Variants in ARHGAP20 observed in about 807,000 individuals in gnomAD.
ARHGAP20 encodes rho GTPase-activating protein 20.
ARHGAP20 carries 34 observed loss-of-function variants against 73.7 expected under a neutral mutation model. The observed-to-expected ratio is 0.46, with a 90% CI of 0.35 to 0.61. The LOEUF is 0.61. Ranked by LOEUF, ARHGAP20 falls within the 20% of genes least tolerant of loss-of-function variation. The pLI is 0.00. For synonymous variants in ARHGAP20, 523 were observed against 518.2 expected (o/e 1.01, Z -0.13); for missense variants, 1,314 against 1,420.9 (o/e 0.92, Z 1.21).
chr11:110,594,525 G>C (rs1947905369), intron 9 of ARHGAP20, among the ~76,000 whole-genome samples: 1 of 152,078 alleles, frequency 6.6e-6, no homozygotes, highest in Admixed American at 6.6e-5. Flanking sequence ...TCTCCATGTG[G>C]TTTCACAGCC....
chr11:110,577,402 T>C lies in ARHGAP20; in HGVS notation c.*1968A>G. Reference sequence around the variant, plus strand: ...GGAACACAGATAGTAGGAATGGTTATTAAAAAACCTCAGCAACTATTTTCT... The same window carrying C: ...GGAACACAGATAGTAGGAATGGTTACTAAAAAACCTCAGCAACTATTTTCT... On this transcript the variant is annotated 3_prime_UTR_variant, in exon 15 of 15. Coordinates refer to ENST00000683387, the MANE Select transcript of ARHGAP20 (RefSeq NM_001384657.1). 8.7e-7 allele frequency: 1 copy of C among 1,155,976 alleles called. No individual in the cohort carries two copies. The highest frequency in any genetic ancestry group is 1.6e-5 in the African/African-American group (1 of 62,882). The allele number at this position is 1,155,976 out of a possible 1,614,324, so 71.6% of individuals were successfully genotyped here.
At chr11:110,709,681 T>A (rs1199815608) in intron 1 of ARHGAP20, among the ~76,000 whole-genome samples, 1 of 151,964 alleles carries the variant, frequency 6.6e-6, no homozygotes, top group African/African-American at 2.4e-5. Context: ...TGACTTGAAA[T>A]ATGAAGAGGA....
At chr11:110,651,652 T>C (rs2135015812) in intron 2 of ARHGAP20, among the ~76,000 whole-genome samples, 1 of 150,618 alleles carries the variant, frequency 6.6e-6, no homozygotes, top group South Asian at 2.1e-4. Context: ...CCTGGACACA[T>C]ACACCCACCC....
chr11:110,609,192 A>G, intron 7 of ARHGAP20, 142 bp from the exon 8 acceptor site: 1 of 678,356 alleles, frequency 1.5e-6, no homozygotes, highest in South Asian at 1.8e-5. Flanking sequence ...CTGCAGTGGA[A>G]TCAGGCCTTC....
At chr11:110,596,242 T>G in intron 9 of ARHGAP20, among the ~76,000 whole-genome samples, 1 of 150,046 alleles carries the variant, frequency 6.7e-6, no homozygotes. Context: ...GGGCAAGGAC[T>G]TCATGTCTAA....
chr11:110,712,489 C>G (rs1950691028), upstream of ARHGAP20: 1 of 158,746 alleles, frequency 6.3e-6, no homozygotes, highest in Admixed American at 6.5e-5. Context: ...GGCCCGCCCC[C>G]TCCGCTCCGG....
intron 9 of ARHGAP20, among the ~76,000 whole-genome samples, chr11:110,602,203 T>C (rs1948127786): frequency 6.8e-6 from 1 of 147,292 alleles, no homozygotes; most frequent in Non-Finnish European, 1.5e-5. Context: ...GTGCCACATC[T>C]ATCAGGATAC....
At chr11:110,692,749 C>T (rs1171106752) in intron 1 of ARHGAP20, among the ~76,000 whole-genome samples, 1 of 151,918 alleles carries the variant, frequency 6.6e-6, no homozygotes, top group African/African-American at 2.4e-5. Context: ...CATTTAGAAA[C>T]AGTAATAATC....
chr11:110,681,676 A>C (rs1372121507), intron 2 of ARHGAP20, among the ~76,000 whole-genome samples: 1 of 152,192 alleles, frequency 6.6e-6, no homozygotes, highest in Non-Finnish European at 1.5e-5. Flanking sequence ...TGGAATAATG[A>C]GGAATTCGTA....
chr11:110,577,588 C>T lies in ARHGAP20; in HGVS notation c.*1782G>A. On this transcript the variant is annotated 3_prime_UTR_variant, in exon 15 of 15. Coordinates refer to ENST00000683387, the MANE Select transcript of ARHGAP20 (RefSeq NM_001384657.1). ...GCCCTAAGGGAAAGGGGAGTCCCTGCTGACTTTATATATTATACCAAAAAA... is the reference window on the plus strand; with the variant it reads ...GCCCTAAGGGAAAGGGGAGTCCCTGTTGACTTTATATATTATACCAAAAAA... The T allele has an allele frequency of 1.0e-6, 1 of 986,966 alleles. No individual in the cohort carries two copies. The highest frequency in any genetic ancestry group is 1.2e-6 in the Non-Finnish European group (1 of 830,788). The allele number at this position is 986,966 out of a possible 1,614,324, so 61.1% of individuals were successfully genotyped here.
chr11:110,648,227 A>C (rs1317034201), intron 2 of ARHGAP20, among the ~76,000 whole-genome samples: 1 of 96,844 alleles, frequency 1.0e-5, no homozygotes, highest in Non-Finnish European at 2.1e-5. Flanking sequence ...ATATGTATAT[A>C]TATATATATG....
At chr11:110,599,420 C>A (rs550054429) in intron 9 of ARHGAP20, among the ~76,000 whole-genome samples, 1 of 152,338 alleles carries the variant, frequency 6.6e-6, no homozygotes, top group South Asian at 2.1e-4. Context: ...TGCCAACAAG[C>A]ATAGGAGGGA....
At chr11:110,592,814 T>C (rs1257264021) in intron 9 of ARHGAP20, among the ~76,000 whole-genome samples, 1 of 152,220 alleles carries the variant, frequency 6.6e-6, no homozygotes, top group Non-Finnish European at 1.5e-5. Flanking sequence ...GTCCTAAAGT[T>C]TTTTCCTTTC....
At chr11:110,656,529 G>C (rs1480228313) in intron 2 of ARHGAP20, among the ~76,000 whole-genome samples, 3 of 152,124 alleles carry the variant, frequency 2.0e-5, no homozygotes, top group African/African-American at 7.2e-5. Context: ...AGTCCTCTTA[G>C]TAAGGGAGAG....
intron 2 of ARHGAP20, among the ~76,000 whole-genome samples, chr11:110,644,997 T>TTCTGTCTCTCTCTCTC (rs1555094126): frequency 6.6e-6 from 1 of 150,412 alleles, no homozygotes; most frequent in African/African-American, 2.4e-5. Flanking sequence ...GAACAGACAC[T>TTCTGTCTCTCTCTCTC]TCTCTCTCTC....
chr11:110,591,181 G>A (rs746811065), intron 10 of ARHGAP20, among the ~76,000 whole-genome samples: 3 of 152,126 alleles, frequency 2.0e-5, no homozygotes, highest in Non-Finnish European at 2.9e-5. Context: ...CTATCACTAC[G>A]TCCTGCTTAC....
Position 110,583,719 on chromosome 11 carries a change from C to G in ARHGAP20, c.1434G>C (p.Pro478=). Reference sequence around the variant, plus strand: ...ACCTTAGGAGAACAACATTGGCTCTCGGAAGCTGGTCTAATAGCCTAAAGA... The same window carrying G: ...ACCTTAGGAGAACAACATTGGCTCTGGGAAGCTGGTCTAATAGCCTAAAGA... ...NTVQRLLDQL[P]RANVVLLRYL... is the part of the protein sequence containing the mutation. The change falls in exon 13 of 15, where the codon CCG becomes CCC. Residue 478 remains proline (P), a synonymous_variant. Transcript: ENST00000683387. 2 of 1,581,100 alleles carry G rather than the reference C, an allele frequency of 1.3e-6. No homozygotes were observed. The highest frequency in any genetic ancestry group is 1.7e-6 in the Non-Finnish European group (2 of 1,158,692).
chr11:110,657,850 G>T (rs561519082), intron 2 of ARHGAP20, among the ~76,000 whole-genome samples: 1 of 151,380 alleles, frequency 6.6e-6, no homozygotes, highest in South Asian at 2.1e-4. Flanking sequence ...AGCCAAGATC[G>T]TGCCACTGCA....
In ARHGAP20 at chr11:110,577,675, A is replaced by ACTT. The variant is rs1269494316; in HGVS notation, c.*1692_*1694dup. ...ACTGGTTAGTTATAAAGTGAAATCGACTTCACATCTGTGACTCAGATGGCC... is the reference window on the plus strand; with the variant it reads ...ACTGGTTAGTTATAAAGTGAAATCGACTTCTTCACATCTGTGACTCAGATGGCC... On this transcript the variant is annotated 3_prime_UTR_variant, in exon 15 of 15. Coordinates refer to ENST00000683387, the MANE Select transcript of ARHGAP20 (RefSeq NM_001384657.1). 1 of 985,748 alleles carries ACTT rather than the reference A, an allele frequency of 1.0e-6. No individual in the cohort carries two copies. Among genetic ancestry groups the ACTT allele is most frequent in the East Asian group, 1.1e-4 (1 of 8,826 alleles). The allele number at this position is 985,748 out of a possible 1,614,324, so 61.1% of individuals were successfully genotyped here.
Sources: gnomAD v4.1 joint callset for allele counts (sites outside exome capture counted in the v4.1 genomes callset) on GRCh38, gnomAD v4.1.1 for gene constraint, MANE v1.5 for transcripts, NCBI Gene and HGNC (gene_info 2026-07-23, HGNC 2026-07-21) for gene names.